The following KDM4A variants were observed in gnomAD, a reference collection of about 807,000 sequenced individuals.
KDM4A encodes lysine demethylase 4A.
KDM4A carries 23 observed loss-of-function variants against 127.1 expected under a neutral mutation model. The ratio of observed to expected loss-of-function variants is 0.18; its 90% CI spans 0.13 to 0.26. The LOEUF (loss-of-function observed/expected upper bound fraction) is 0.26, where lower values mean the gene tolerates loss of function less well. Ranked by LOEUF, KDM4A falls within the 10% of genes least tolerant of loss-of-function variation. The pLI, the probability that KDM4A is intolerant of heterozygous loss-of-function variation, is 1.00. For missense variants in KDM4A, 890 were observed against 1,329.1 expected (o/e 0.67, Z 5.14); for synonymous variants, 443 against 466.5 (o/e 0.95, Z 0.65).
chr1:43,701,044 T>A (rs1661378081), intron 19 of KDM4A, among the ~76,000 whole-genome samples: 1 of 151,906 alleles, frequency 6.6e-6, no homozygotes, highest in Admixed American at 6.6e-5. Context: ...TGCCTCAGCA[T>A]CCCAAGTAGC....
chr1:43,656,327 T>TG (rs1660237412), intron 3 of KDM4A, among the ~76,000 whole-genome samples: 1 of 135,480 alleles, frequency 7.4e-6, no homozygotes, highest in Admixed American at 7.7e-5. Context: ...TCTCTGCTGT[T>TG]GGTTTTTTTT....
chr1:43,677,803 A>T (rs1393657855), intron 11 of KDM4A, among the ~76,000 whole-genome samples: 1 of 152,210 alleles, frequency 6.6e-6, no homozygotes, highest in Admixed American at 6.5e-5. Flanking sequence ...TTTATGCATC[A>T]TTTGAATATT....
At chr1:43,672,669 T>A (rs1660650072) in intron 11 of KDM4A, among the ~76,000 whole-genome samples, 2 of 152,098 alleles carry the variant, frequency 1.3e-5, no homozygotes, top group Non-Finnish European at 2.9e-5. Context: ...TAATTTTTTG[T>A]ATTTTTAGTA....
At chr1:43,667,214 A>G (rs1202114641) in intron 8 of KDM4A, 123 bp downstream of exon 8, 7 of 1,063,750 alleles carry the variant, frequency 6.6e-6, no homozygotes, top group African/African-American at 1.6e-5. Flanking sequence ...AGCAGCTAGC[A>G]ATGTGTCAGA....
chr1:43,696,106 G>A (rs1486846054), intron 18 of KDM4A, among the ~76,000 whole-genome samples: 4 of 152,150 alleles, frequency 2.6e-5, no homozygotes, highest in African/African-American at 9.7e-5. Flanking sequence ...ATTAGAAACT[G>A]GGCTCTGGAG....
At chr1:43,701,540 G>T (rs1010394468) in intron 19 of KDM4A, among the ~76,000 whole-genome samples, 1 of 152,146 alleles carries the variant, frequency 6.6e-6, no homozygotes, top group Non-Finnish European at 1.5e-5. Flanking sequence ...CAGCACCACT[G>T]CTGGAGTGCA....
At chr1:43,651,814 T>G (rs527302823) in intron 1 of KDM4A, among the ~76,000 whole-genome samples, 1 of 152,354 alleles carries the variant, frequency 6.6e-6, no homozygotes, top group East Asian at 1.9e-4. Flanking sequence ...AGTTCTCATC[T>G]AAAAACAAAG....
At chr1:43,665,581 C>A in intron 5 of KDM4A, 115 bp from the exon 6 acceptor site, 2 of 843,098 alleles carry the variant, frequency 2.4e-6, no homozygotes, top group African/African-American at 1.7e-5. Context: ...CTTTCTACTG[C>A]TTGGGAAGTT....
rs41270379 is a variant in KDM4A at position 43,653,724 on chromosome 1, A to G, written c.138+411A>G. 509 of 154,632 alleles carry G rather than the reference A, an allele frequency of 3.3e-3. 5 individuals carry two copies. Among genetic ancestry groups the G allele is most frequent in the Middle Eastern group, 3.4e-3 (1 of 298 alleles). 9.6% of individuals were successfully genotyped at this position (154,632 alleles called of 1,614,324 possible). A position where few individuals can be genotyped will look rare whatever the true frequency, so the allele number is the denominator to read the frequency against. The stretch of plus-strand genomic sequence containing the variant: ...TGTGGACTTTCTTCAAGGGGAGAGA[A>G]TGCACTGGCCAGCCAACATGAGTAT... On this transcript the variant is annotated intron_variant, in intron 2 of 21. Transcript: ENST00000372396.
chr1:43,692,903 A>G (rs1000385843), intron 16 of KDM4A, among the ~76,000 whole-genome samples: 4 of 152,200 alleles, frequency 2.6e-5, no homozygotes, highest in African/African-American at 9.7e-5. Context: ...GAAACGTAAG[A>G]TGAATGAGGT....
intron 11 of KDM4A, among the ~76,000 whole-genome samples, chr1:43,677,334 G>C (rs1218523866): frequency 3.1e-5 from 4 of 127,696 alleles, no homozygotes; most frequent in Non-Finnish European, 6.2e-5. Context: ...AACAGAGTGA[G>C]ACTCCATCTC....
intron 15 of KDM4A, among the ~76,000 whole-genome samples, 178 bp from the exon 16 acceptor site, chr1:43,692,078 G>C (rs548925145): frequency 1.3e-5 from 2 of 152,386 alleles, no homozygotes; most frequent in East Asian, 3.9e-4. Flanking sequence ...CTTTAGCCCT[G>C]AGTGGCCTCT....
intron 11 of KDM4A, among the ~76,000 whole-genome samples, chr1:43,672,652 G>A (rs542720387): frequency 5.3e-5 from 8 of 151,988 alleles, no homozygotes; most frequent in Middle Eastern, 3.4e-3. Context: ...CCACCACCAC[G>A]CCCAGCTAAT....
intron 1 of KDM4A, 56 bp downstream of exon 1, chr1:43,650,308 C>A (rs1159109663): frequency 8.0e-6 from 1 of 125,000 alleles, no homozygotes; most frequent in African/African-American, 3.1e-5. Flanking sequence ...TAGCAGTGAC[C>A]GTGAGTTTTG....
rs1235468815 is a variant in KDM4A, at chr1:43,671,686, C to T, written c.1545C>T (p.Gly515=). Residue 515 remains glycine (G), a synonymous_variant, in exon 11 of 22, where the codon GGC becomes GGT. Transcript: ENST00000372396. The stretch of plus-strand genomic sequence containing the variant: ...AATCATCTTCTAGCCTGGGCTCTGG[C>T]TCTTCACGGGATTCTATCTCTTCTG... ...KKKSSSSLGS[G]SSRDSISSDS... 6.8e-6 allele frequency: 11 copies of T among 1,613,040 alleles called. No individual in the cohort carries two copies. The highest frequency in any genetic ancestry group is 7.6e-6 in the Non-Finnish European group (9 of 1,179,650).
At chr1:43,702,134 G>C (rs1467155261) in intron 19 of KDM4A, 1 of 152,146 alleles carries the variant, frequency 6.6e-6, no homozygotes, top group Non-Finnish European at 1.5e-5. Context: ...AGTGACAAAG[G>C]CTAATAGTTT....
intron 3 of KDM4A, among the ~76,000 whole-genome samples, chr1:43,658,261 G>C (rs529887990): frequency 6.6e-6 from 1 of 151,736 alleles, no homozygotes; most frequent in Non-Finnish European, 1.5e-5. Flanking sequence ...TAGTAGAGAC[G>C]GGGTTTCACC....
intron 11 of KDM4A, among the ~76,000 whole-genome samples, chr1:43,680,563 A>C (rs141036084): frequency 5.8e-4 from 89 of 152,350 alleles, no homozygotes; most frequent in African/African-American, 2.1e-3. Flanking sequence ...AATGGGTTTC[A>C]CTGAGCTAAA....
At position 43,688,199 on chromosome 1, in the gene KDM4A, A is replaced by G. The variant is rs143442449; in HGVS notation, c.1856-715A>G. 1.6e-3 allele frequency among the ~76,000 whole-genome samples: 241 copies of G among 152,260 alleles called. 1 individual carries two copies. The Middle Eastern group carries it at 0.048, about 30-fold the overall frequency. ...TAGCCACTGTACTCCAGCCTGGGCA[A>G]CATAGCAAGACCCCATCATAAAAAT... On this transcript the variant is annotated intron_variant, in intron 12 of 21. Transcript: ENST00000372396. This position sits in a 1 kb window ranked among gnomAD's most constrained non-coding sequence, Gnocchi z 4.4.
Sources: allele counts gnomAD v4.1 joint callset (sites outside exome capture counted in the v4.1 genomes callset), GRCh38; gene constraint gnomAD v4.1.1; non-coding constraint Gnocchi (gnomAD v3.1); transcripts MANE v1.5; gene names NCBI Gene and HGNC (gene_info 2026-07-23, HGNC 2026-07-21).